EBF3: variants seen among roughly 807,000 people sequenced by gnomAD.
The protein encoded by EBF3 is EBF transcription factor 3.
A neutral mutation model predicts 77.1 loss-of-function variants in EBF3; 18 were observed. That is an observed-to-expected ratio of 0.23 (90% confidence interval 0.16 to 0.35). The LOEUF (loss-of-function observed/expected upper bound fraction) is 0.35. Among genes scored for constraint, EBF3 ranks in the 10% least tolerant of loss-of-function variants. The probability of loss-of-function intolerance (pLI) is 1.00; values close to 1 mark genes in which losing one functional copy is unlikely to be tolerated. For missense variants in EBF3, 558 were observed against 860.0 expected (o/e 0.65, Z 4.39); for synonymous variants, 350 against 343.5 (o/e 1.02, Z -0.21).
At position 129,952,996 on chromosome 10, in the gene EBF3, C is replaced by T. The variant is rs1177996178; in HGVS notation, c.554+4262G>A. Among the ~76,000 whole-genome samples, 1 of 147,738 alleles carries T rather than the reference C, an allele frequency of 6.8e-6. No individual in the cohort carries two copies. Among genetic ancestry groups the T allele is most frequent in the East Asian group, 2.0e-4 (1 of 5,006 alleles). ...CCAGCAAAGGTCGGCTCTCTTTGAC[C>T]TTTGTGACAGGAAGTGAAAGGAAAC... is the stretch of plus-strand genomic sequence containing the variant. On this transcript the variant is annotated intron_variant, in intron 6 of 16. Coordinates refer to ENST00000440978, the MANE Select transcript of EBF3 (RefSeq NM_001375380.1). This position sits in a 1 kb window ranked among gnomAD's most constrained non-coding sequence, Gnocchi z 4.7.
At chr10:129,929,521 T>TA (rs1406478672) in intron 6 of EBF3, among the ~76,000 whole-genome samples, 1 of 152,208 alleles carries the variant, frequency 6.6e-6, no homozygotes, top group Non-Finnish European at 1.5e-5. Flanking sequence ...GATGGCCTTC[T>TA]TAATAATGCC....
Position 129,864,775 on chromosome 10 carries a change from A to T in EBF3, c.1039+2366T>A. The stretch of plus-strand genomic sequence containing the variant: ...CCCACCCCTGCCATGTGCCCGCCGA[A>T]GCTCAGGTGCTGCTCCATGGCTCAC... On this transcript the variant is annotated intron_variant, in intron 10 of 16. Coordinates refer to ENST00000440978, the MANE Select transcript of EBF3 (RefSeq NM_001375380.1). The surrounding 1 kb of genome is among the most constrained non-coding windows in gnomAD (Gnocchi z 4.4). 6.6e-6 allele frequency among the ~76,000 whole-genome samples: 1 copy of T among 152,200 alleles called. No individual in the cohort carries two copies. The highest frequency in any genetic ancestry group is 1.5e-5 in the Non-Finnish European group (1 of 68,038).
intron 6 of EBF3, among the ~76,000 whole-genome samples, chr10:129,905,165 G>A (rs1855053634): frequency 6.6e-6 from 1 of 152,166 alleles, no homozygotes; most frequent in Non-Finnish European, 1.5e-5. Context: ...CAGGGAAAGT[G>A]TAGCTCTGTC....
At chr10:129,902,903 G>A (rs1194917689) in intron 6 of EBF3, among the ~76,000 whole-genome samples, 1 of 152,194 alleles carries the variant, frequency 6.6e-6, no homozygotes, top group Non-Finnish European at 1.5e-5. Context: ...GGCCTACCCA[G>A]CCTGGTAAAT....
At chr10:129,914,348 G>A (rs1038186456) in intron 6 of EBF3, among the ~76,000 whole-genome samples, 1 of 152,174 alleles carries the variant, frequency 6.6e-6, no homozygotes, top group African/African-American at 2.4e-5. Flanking sequence ...GGGAGAGGGA[G>A]ACTCCCAGGC....
At chr10:129,843,307 A>G (rs1156715427) in intron 11 of EBF3, 105 bp from the exon 12 acceptor site, 3 of 1,222,176 alleles carry the variant, frequency 2.5e-6, no homozygotes, top group South Asian at 2.7e-5. Flanking sequence ...GTCCCCACCC[A>G]CAGCGACCCG....
chr10:129,916,265 T>C (rs1309823710), intron 6 of EBF3, among the ~76,000 whole-genome samples: 1 of 152,176 alleles, frequency 6.6e-6, no homozygotes, highest in African/African-American at 2.4e-5. Context: ...GTGCACCACA[T>C]GCCCACCAGC....
At chr10:129,911,506 C>A (rs1238344072) in intron 6 of EBF3, among the ~76,000 whole-genome samples, 1 of 152,188 alleles carries the variant, frequency 6.6e-6, no homozygotes, top group Non-Finnish European at 1.5e-5. Flanking sequence ...ATTTCAGAAA[C>A]CCCCATCCCC....
At chr10:129,929,614 G>A (rs961109263) in intron 6 of EBF3, among the ~76,000 whole-genome samples, 21 of 152,158 alleles carry the variant, frequency 1.4e-4, no homozygotes, top group African/African-American at 4.3e-4. Context: ...TCAGTAATGC[G>A]TCTGGATGGG....
chr10:129,896,109 C>G (rs566201249), intron 6 of EBF3, among the ~76,000 whole-genome samples: 1 of 138,182 alleles, frequency 7.2e-6, no homozygotes, highest in South Asian at 2.2e-4. Flanking sequence ...CAGAAAAACA[C>G]AGGACATGAT....
chr10:129,846,656 C>T (rs1850485234), intron 11 of EBF3, among the ~76,000 whole-genome samples: 1 of 152,038 alleles, frequency 6.6e-6, no homozygotes, highest in Non-Finnish European at 1.5e-5. Context: ...CATGATGAAT[C>T]GCTTGGCAGT....
intron 7 of EBF3, among the ~76,000 whole-genome samples, chr10:129,874,926 A>T (rs1445032874): frequency 6.6e-6 from 1 of 151,636 alleles, no homozygotes; most frequent in Non-Finnish European, 1.5e-5. Context: ...AACCAGGGGG[A>T]GGGGCGCACG....
intron 6 of EBF3, among the ~76,000 whole-genome samples, chr10:129,878,539 T>C (rs11016997): frequency 6.6e-6 from 1 of 151,284 alleles, no homozygotes; most frequent in East Asian, 1.9e-4. Context: ...TGCGGTGGCA[T>C]GTGCCTATAA....
intron 15 of EBF3, among the ~76,000 whole-genome samples, chr10:129,839,890 C>A (rs1024311493): frequency 8.5e-5 from 13 of 152,246 alleles, no homozygotes; most frequent in African/African-American, 3.1e-4. Context: ...GGGCAAAGGC[C>A]CATTGGCTGA....
chr10:129,945,657 G>T (rs1024255115), intron 6 of EBF3, among the ~76,000 whole-genome samples: 2 of 152,138 alleles, frequency 1.3e-5, no homozygotes, highest in Non-Finnish European at 2.9e-5. Flanking sequence ...TAAACCATGC[G>T]TCCAATCTGC....
intron 11 of EBF3, among the ~76,000 whole-genome samples, chr10:129,844,659 A>G (rs149679420): frequency 1.1e-3 from 171 of 152,210 alleles, no homozygotes; most frequent in African/African-American, 4.0e-3. Flanking sequence ...CGTTCCCAGG[A>G]ACAGCACTTA....
chr10:129,901,125 A>G (rs754560196), intron 6 of EBF3, among the ~76,000 whole-genome samples: 2 of 152,226 alleles, frequency 1.3e-5, no homozygotes, highest in Non-Finnish European at 2.9e-5. Flanking sequence ...TCCAGGTCAG[A>G]CAGTCAAGTA....
intron 6 of EBF3, among the ~76,000 whole-genome samples, chr10:129,957,044 C>T (rs1859088926): frequency 6.6e-6 from 1 of 152,206 alleles, no homozygotes; most frequent in Admixed American, 6.5e-5. Flanking sequence ...CCCTTGACAA[C>T]TCACAAGCAA....
chr10:129,898,327 G>A (rs1854538289), intron 6 of EBF3, among the ~76,000 whole-genome samples: 1 of 152,208 alleles, frequency 6.6e-6, no homozygotes, highest in African/African-American at 2.4e-5. Flanking sequence ...GGGTTTACGG[G>A]GTTCACCCAT....
Sources: allele counts gnomAD v4.1 joint callset (sites outside exome capture counted in the v4.1 genomes callset), GRCh38; gene constraint gnomAD v4.1.1; non-coding constraint Gnocchi (gnomAD v3.1); transcripts MANE v1.5; gene names NCBI Gene and HGNC (gene_info 2026-07-23, HGNC 2026-07-21).